Variants in RYR2 observed in about 807,000 individuals in gnomAD.
RYR2 encodes the protein ryanodine receptor 2.
RYR2 carries 227 observed loss-of-function variants against 601.1 expected under a neutral mutation model. That is an observed-to-expected ratio of 0.38 (90% CI 0.34 to 0.42). The LOEUF (loss-of-function observed/expected upper bound fraction) is 0.42. RYR2 is among the 10% of genes least tolerant of loss of function. RYR2 has a pLI of 1.00. For missense variants in RYR2, 4,646 were observed against 6,156.5 expected (o/e 0.75, Z 8.21); for synonymous variants, 2,223 against 2,175.1 (o/e 1.02, Z -0.61).
intron 29 of RYR2, among the ~76,000 whole-genome samples, chr1:237,581,016 A>AC (rs1443159678): frequency 2.0e-5 from 3 of 152,130 alleles, no homozygotes; most frequent in Non-Finnish European, 4.4e-5. Flanking sequence ...TGACCAATAC[A>AC]CCACCCCTTC....
Position 237,711,905 on chromosome 1 carries a change from T to C in RYR2, c.10323+68T>C, listed in dbSNP as rs1688874334. 7.8e-6 allele frequency: 6 copies of C among 768,222 alleles called. No individual in the cohort carries two copies. The South Asian group carries it at 8.0e-5, about 10-fold the overall frequency. The allele number at this position is 768,222 out of a possible 1,614,324, so 47.6% of individuals were successfully genotyped here. A position where few individuals can be genotyped will look rare whatever the true frequency, so the allele number is the denominator to read the frequency against. On this transcript the variant is annotated intron_variant, in intron 71 of 104. Transcript: ENST00000366574. ...TGTGACTTTCATGAATTGACTTTTT[T>C]TTTTTAGATTTTCGAAGATTTGTAA... is the stretch of plus-strand genomic sequence containing the variant.
At chr1:237,547,859 A>G (rs572555634) in intron 25 of RYR2, among the ~76,000 whole-genome samples, 25 of 152,330 alleles carry the variant, frequency 1.6e-4, no homozygotes, top group African/African-American at 5.5e-4. Context: ...TTAGATGGTT[A>G]TATAGCTGTG....
At chr1:237,101,978 T>C (rs533438867) in intron 1 of RYR2, among the ~76,000 whole-genome samples, 1 of 152,314 alleles carries the variant, frequency 6.6e-6, no homozygotes, top group Admixed American at 6.5e-5. Context: ...ATCAAATGAG[T>C]GCCTTGTGGG....
intron 17 of RYR2, among the ~76,000 whole-genome samples, chr1:237,472,736 G>A (rs1415077481): frequency 6.6e-6 from 1 of 151,500 alleles, no homozygotes; most frequent in Non-Finnish European, 1.5e-5. Flanking sequence ...AAAGAGGAAA[G>A]AAGGGGCAAA....
chr1:237,543,586 A>G (rs570557791), intron 25 of RYR2, among the ~76,000 whole-genome samples: 1 of 152,206 alleles, frequency 6.6e-6, no homozygotes, highest in Non-Finnish European at 1.5e-5. Context: ...ATTTACAGCT[A>G]ACACTCCCTG....
chr1:237,127,794 G>A (rs1297185134), intron 1 of RYR2, among the ~76,000 whole-genome samples: 62 of 151,154 alleles, frequency 4.1e-4, no homozygotes, highest in African/African-American at 1.3e-3. Context: ...ATGGGCGGCC[G>A]GGCAGAGACG....
At chr1:237,089,723 G>A (rs960678101) in intron 1 of RYR2, among the ~76,000 whole-genome samples, 2 of 152,224 alleles carry the variant, frequency 1.3e-5, no homozygotes, top group African/African-American at 4.8e-5. Flanking sequence ...TAATCCCAGT[G>A]TATCCCACGT....
intron 58 of RYR2, among the ~76,000 whole-genome samples, chr1:237,670,649 G>A (rs546280587): frequency 6.6e-6 from 1 of 152,116 alleles, no homozygotes. Context: ...TTAAGTCACT[G>A]TGGTACAGTT....
chr1:237,676,566 T>A (rs1206763477), intron 60 of RYR2, among the ~76,000 whole-genome samples: 1 of 152,168 alleles, frequency 6.6e-6, no homozygotes, highest in Admixed American at 6.5e-5. Context: ...GTACAAGAAC[T>A]CTGTTAGAGG....
Position 237,730,265 on chromosome 1 carries a change from G to A in RYR2, c.10844G>A (p.Arg3615Gln), listed in dbSNP as rs879255349. 10 of 1,597,082 alleles carry A rather than the reference G, an allele frequency of 6.3e-6. No homozygotes were observed. Among genetic ancestry groups the A allele is most frequent in the Non-Finnish European group, 3.4e-6 (4 of 1,165,016 alleles). ...MAPLYNLPRHRAVNLFLQGYE... is the reference protein window; with the variant it reads ...MAPLYNLPRHQAVNLFLQGYE... The stretch of plus-strand genomic sequence containing the variant: ...AAATTGTGCTTACCTTTCAGGCATC[G>A]GGCTGTCAATCTCTTTCTTCAGGGA... The change falls in exon 77 of 105, where the codon CGG (arginine) becomes CAG (glutamine). Residue 3615 changes from arginine (R) to glutamine (Q), a missense_variant. By Grantham distance (43) the Arg-to-Gln change is conservative. Coordinates refer to ENST00000366574, the MANE Select transcript of RYR2 (RefSeq NM_001035.3).
intron 14 of RYR2, among the ~76,000 whole-genome samples, chr1:237,445,918 G>T (rs1207252420): frequency 6.6e-6 from 1 of 152,118 alleles, no homozygotes; most frequent in African/African-American, 2.4e-5. Context: ...CTGGGTTCAA[G>T]CGATTCTCCT....
Position 237,403,089 on chromosome 1 carries a change from A to G in RYR2, c.774-13960A>G, listed in dbSNP as rs12138118. On this transcript the variant is annotated intron_variant, in intron 10 of 104. Coordinates refer to ENST00000366574, the MANE Select transcript of RYR2 (RefSeq NM_001035.3). The stretch of plus-strand genomic sequence containing the variant: ...GAAAGATGGATGGAGGGAGACAAAG[A>G]GAACTCACAGGTGCGTGGAGTAAAG... Among the ~76,000 whole-genome samples the G allele has an allele frequency of 4.2e-3, 639 of 152,328 alleles. 1 individual carries two copies. Among genetic ancestry groups the G allele is most frequent in the Non-Finnish European group, 6.9e-3 (467 of 68,034 alleles).
chr1:237,809,641 T>A (rs986553885), intron 100 of RYR2, among the ~76,000 whole-genome samples: 3 of 152,102 alleles, frequency 2.0e-5, no homozygotes, highest in African/African-American at 7.2e-5. Flanking sequence ...TATATATCAC[T>A]AGCTGGAAAG....
intron 27 of RYR2, among the ~76,000 whole-genome samples, chr1:237,560,085 C>CA (rs1671297741): frequency 6.6e-6 from 1 of 152,254 alleles, no homozygotes; most frequent in African/African-American, 2.4e-5. Context: ...ACTGCATGTG[C>CA]AGAGCCTCAA....
chr1:237,058,794 AGGGGCGG>A (rs1203332734), intron 1 of RYR2, among the ~76,000 whole-genome samples: 5 of 13,568 alleles, frequency 3.7e-4, no homozygotes, highest in African/African-American at 1.4e-3. Context: ...GGTCTGGAGA[AGGGGCGG>A]GGGGCCGGGG....
At chr1:237,594,086 G>A (rs1248952064) in intron 33 of RYR2, among the ~76,000 whole-genome samples, 1 of 152,170 alleles carries the variant, frequency 6.6e-6, no homozygotes, top group Non-Finnish European at 1.5e-5. Context: ...AGGAGAAGTG[G>A]GTTCTTTCCT....
chr1:237,780,914 A>G (rs1362310995), intron 88 of RYR2, among the ~76,000 whole-genome samples: 1 of 152,220 alleles, frequency 6.6e-6, no homozygotes, highest in African/African-American at 2.4e-5. Context: ...TAGAAGAAAA[A>G]AATGCAGGCT....
intron 93 of RYR2, chr1:237,791,748 A>C (rs1335587167): frequency 3.5e-6 from 2 of 569,568 alleles, no homozygotes; most frequent in Non-Finnish European, 6.2e-6. Context: ...GGGCTTCCCC[A>C]CAGTATTCCC....
Position 237,508,734 on chromosome 1 carries a change from CTTTTTTT to C in RYR2, c.2718+1940_2718+1946del, listed in dbSNP as rs869044432. ...ATGTTCAAGACACTCTTCGGGTTTT[CTTTTTTT>C]TTTTTTTTTTTTTTTTTTTGAGACG... On this transcript the variant is annotated intron_variant, in intron 23 of 104. Coordinates refer to ENST00000366574, the MANE Select transcript of RYR2 (RefSeq NM_001035.3). Among the ~76,000 whole-genome samples the C allele has an allele frequency of 5.9e-3, 459 of 77,646 alleles. 6 individuals carry two copies. Among genetic ancestry groups the C allele is most frequent in the African/African-American group, 0.019 (447 of 23,954 alleles). 50.9% of individuals were successfully genotyped at this position (77,646 alleles called of 152,430 possible).
Sources: gnomAD v4.1 joint callset for allele counts (sites outside exome capture counted in the v4.1 genomes callset) on GRCh38, gnomAD v4.1.1 for gene constraint, MANE v1.5 for transcripts, NCBI Gene and HGNC (gene_info 2026-07-23, HGNC 2026-07-21) for gene names.